DUSP10: variants seen among roughly 807,000 people sequenced by gnomAD.
DUSP10 encodes the protein dual specificity protein phosphatase 10.
In DUSP10, 14 loss-of-function variants were observed where a neutral mutation model predicts 30.8. The ratio of observed to expected loss-of-function variants is 0.46; its 90% CI spans 0.30 to 0.71. The LOEUF is 0.71. Among genes scored for constraint, DUSP10 ranks in the 30% least tolerant of loss-of-function variants. The pLI is 0.08. For synonymous variants in DUSP10, 254 were observed against 250.4 expected, an observed-to-expected ratio of 1.01 and a Z score of -0.14; for missense variants, 550 against 619.4, an observed-to-expected ratio of 0.89 and a Z score of 1.19.
rs577222877 is a variant in DUSP10, at chr1:221,728,530, TA to T, written c.811+10403del. ...AGGGAAGAACAGAGATAAGAAAGAT[TA>T]GGAAAGGAGAGGAGAGAAACTAAAC... On this transcript the variant is annotated intron_variant, in intron 2 of 3. Transcript: ENST00000366899. Among the ~76,000 whole-genome samples the T allele has an allele frequency of 2.0e-3, 311 of 152,314 alleles. 2 individuals carry two copies. Among genetic ancestry groups the T allele is most frequent in the African/African-American group, 6.3e-3 (263 of 41,564 alleles).
At chr1:221,713,431 C>T (rs190141646) in intron 2 of DUSP10, among the ~76,000 whole-genome samples, 2 of 152,070 alleles carry the variant, frequency 1.3e-5, no homozygotes, top group African/African-American at 4.8e-5. Context: ...TTAGGCATAT[C>T]GAATAGCCAA....
Position 221,706,279 on chromosome 1 carries a change from A to G in DUSP10, c.999T>C (p.Asn333=). Residue 333 remains asparagine, a synonymous_variant, in exon 3 of 4, where the codon AAT becomes AAC. Transcript: ENST00000366899. This position sits in a 1 kb window ranked among gnomAD's most constrained non-coding sequence, Gnocchi z 4.6. ...TPILPFLFLG[N]EQDAQDLDTM... is the part of the protein sequence containing the mutation. ...TGTCCAGGTCCTGAGCATCCTGCTCATTGCCAAGGAACAGGAAGGGCAAGA... is the reference window on the plus strand; with the variant it reads ...TGTCCAGGTCCTGAGCATCCTGCTCGTTGCCAAGGAACAGGAAGGGCAAGA... 6.2e-7 allele frequency: 1 copy of G among 1,614,202 alleles called. No individual in the cohort carries two copies. Among genetic ancestry groups the G allele is most frequent in the Non-Finnish European group, 8.5e-7 (1 of 1,180,030 alleles).
chr1:221,715,389 A>G (rs1242750912), intron 2 of DUSP10, among the ~76,000 whole-genome samples: 1 of 152,178 alleles, frequency 6.6e-6, no homozygotes, highest in Non-Finnish European at 1.5e-5. Context: ...CAGAATTGGT[A>G]TAGAAAAGAG....
rs543103187 is a variant in DUSP10, at chr1:221,721,272, T to C, written c.812-14806A>G. ...TAGGACCAGTTTATTGTAAAGCATC[T>C]ATTATATGCTGTTCAGCATTATGCT... is the stretch of plus-strand genomic sequence containing the variant. On this transcript the variant is annotated intron_variant, in intron 2 of 3. Transcript: ENST00000366899. Among the ~76,000 whole-genome samples the C allele has an allele frequency of 1.1e-4, 17 of 152,366 alleles. 1 individual carries two copies. In the South Asian group the frequency reaches 3.3e-3, roughly 30 times the overall value.
chr1:221,715,777 T>C (rs1239401186), intron 2 of DUSP10, among the ~76,000 whole-genome samples: 1 of 152,216 alleles, frequency 6.6e-6, no homozygotes, highest in East Asian at 1.9e-4. Flanking sequence ...GACTTTTATG[T>C]GAGCAGGATT....
At chr1:221,703,764 A>C (rs147613464) in intron 3 of DUSP10, among the ~76,000 whole-genome samples, 248 of 152,338 alleles carry the variant, frequency 1.6e-3, no homozygotes, top group Admixed American at 3.5e-3. Flanking sequence ...GCTTCCTTGA[A>C]GGAACACCAA....
Position 221,706,471 on chromosome 1 carries a change from A to AAC in DUSP10, c.812-7_812-6dup. 1 of 1,496,710 alleles carries AAC rather than the reference A, an allele frequency of 6.7e-7. No individual in the cohort carries two copies. Among genetic ancestry groups the AAC allele is most frequent in the Admixed American group, 2.3e-5 (1 of 43,172 alleles). The allele number at this position is 1,496,710 out of a possible 1,614,324, so 92.7% of individuals were successfully genotyped here. ...GCTTAAAACTACTAAGTCCACCTAG[A>AAC]ACACAAACACAGAAGGTGAGTGTGA... On this transcript the variant is annotated splice_polypyrimidine_tract_variant and splice_region_variant and intron_variant, in intron 2 of 3. Transcript: ENST00000366899. This position sits in a 1 kb window ranked among gnomAD's most constrained non-coding sequence, Gnocchi z 4.6.
At chr1:221,731,600 CTTTTTTTTTTTTTTTTTTTTTCT>C (rs1661593638) in intron 2 of DUSP10, among the ~76,000 whole-genome samples, 1 of 119,236 alleles carries the variant, frequency 8.4e-6, no homozygotes, top group African/African-American at 3.2e-5. Context: ...TAGGCTATTT[CTTTTTTTTTTTTTTTTTTTTTCT>C]TTTTTTGCGA....
intron 1 of DUSP10, among the ~76,000 whole-genome samples, chr1:221,740,268 G>T (rs112976460): frequency 0.02 from 3,015 of 152,294 alleles, 40 homozygotes; most frequent in Admixed American, 0.032. Context: ...AAGAGCACTG[G>T]CATGGTTCAC....
chr1:221,721,669 C>T (rs1270726150), intron 2 of DUSP10, among the ~76,000 whole-genome samples: 1 of 152,112 alleles, frequency 6.6e-6, no homozygotes, highest in African/African-American at 2.4e-5. Flanking sequence ...TTACCCCTTT[C>T]TCCTCTCTCC....
intron 3 of DUSP10, among the ~76,000 whole-genome samples, chr1:221,703,978 C>T (rs888058890): frequency 5.3e-5 from 8 of 152,196 alleles, no homozygotes; most frequent in African/African-American, 1.7e-4. Context: ...TTTTTCCCTT[C>T]AGCACACGGT....
chr1:221,722,733 C>T (rs1661312198), intron 2 of DUSP10, among the ~76,000 whole-genome samples: 1 of 152,092 alleles, frequency 6.6e-6, no homozygotes, highest in Non-Finnish European at 1.5e-5. Context: ...AGCTGGTGAC[C>T]TAAGAGGGCC....
intron 2 of DUSP10, among the ~76,000 whole-genome samples, chr1:221,736,675 C>T (rs1379798219): frequency 1.3e-5 from 2 of 152,174 alleles, no homozygotes; most frequent in Non-Finnish European, 2.9e-5. Flanking sequence ...ATTCCTTTCC[C>T]TTCTTTTCCA....
intron 2 of DUSP10, among the ~76,000 whole-genome samples, chr1:221,711,126 C>G (rs1660922748): frequency 6.6e-6 from 1 of 152,212 alleles, no homozygotes; most frequent in African/African-American, 2.4e-5. Flanking sequence ...AGTTCAGTGA[C>G]AGTCCTACTG....
Position 221,706,324 on chromosome 1 carries a change from C to T in DUSP10, c.954G>A (p.Glu318=). The T allele has an allele frequency of 6.2e-7, 1 of 1,613,468 alleles. No homozygotes were observed. The highest frequency in any genetic ancestry group is 1.1e-5 in the South Asian group (1 of 91,064). ...PQPIPTTPDI[E]NAELTPILPF... The stretch of plus-strand genomic sequence containing the variant: ...GCAAGATGGGGGTGAGCTCAGCGTT[C>T]TCGATGTCAGGGGTGGTGGGGATGG... Residue 318 remains glutamate (E), a synonymous_variant, in exon 3 of 4, where the codon GAG becomes GAA. Transcript: ENST00000366899. The surrounding 1 kb of genome is among the most constrained non-coding windows in gnomAD (Gnocchi z 4.6).
chr1:221,717,482 G>A lies in DUSP10; in HGVS notation c.812-11016C>T, dbSNP rs137983771. 4.5e-3 allele frequency among the ~76,000 whole-genome samples: 682 copies of A among 151,322 alleles called. 1 individual carries two copies. The highest frequency in any genetic ancestry group is 0.016 in the African/African-American group (653 of 41,182). ...ACAGAGAGAGAGAGAGAGAGAGAAC[G>A]CACTGATTTACCAAATGGTGTAATT... On this transcript the variant is annotated intron_variant, in intron 2 of 3. Transcript: ENST00000366899.
At chr1:221,735,797 A>C (rs1310250641) in intron 2 of DUSP10, among the ~76,000 whole-genome samples, 3 of 152,252 alleles carry the variant, frequency 2.0e-5, no homozygotes, top group Non-Finnish European at 4.4e-5. Context: ...GGGAGCCTGA[A>C]AAACTTTATA....
At chr1:221,709,551 A>G (rs1235740087) in intron 2 of DUSP10, among the ~76,000 whole-genome samples, 1 of 152,168 alleles carries the variant, frequency 6.6e-6, no homozygotes, top group Non-Finnish European at 1.5e-5. Flanking sequence ...GTCTGAAGAA[A>G]TAGTCTCCTG....
rs1660643358 is a variant in DUSP10 at position 221,702,707 on chromosome 1, A to G, written c.1184-30T>C. On this transcript the variant is annotated intron_variant, in intron 3 of 3. Coordinates refer to ENST00000366899, the MANE Select transcript of DUSP10 (RefSeq NM_007207.6). This position sits in a 1 kb window ranked among gnomAD's most constrained non-coding sequence, Gnocchi z 4.5. ...AAAAAGGGAGAAAGACAAGAGATGA[A>G]GGGAAGATGGAAGAGAGAGGCACGG... 1.2e-6 allele frequency: 2 copies of G among 1,609,500 alleles called. No individual in the cohort carries two copies. Among genetic ancestry groups the G allele is most frequent in the East Asian group, 2.2e-5 (1 of 44,810 alleles).
Sources: allele counts gnomAD v4.1 joint callset (sites outside exome capture counted in the v4.1 genomes callset), GRCh38; gene constraint gnomAD v4.1.1; non-coding constraint Gnocchi (gnomAD v3.1); transcripts MANE v1.5; gene names NCBI Gene and HGNC (gene_info 2026-07-23, HGNC 2026-07-21).